The following METAP1D variants were observed in gnomAD, a reference collection of about 807,000 sequenced individuals.
METAP1D encodes the protein methionine aminopeptidase 1D, mitochondrial.
Under a neutral mutation model 40.5 loss-of-function variants are expected in METAP1D, and 31 were observed. That is an observed-to-expected ratio of 0.77 (90% CI 0.58 to 1.03). The LOEUF (loss-of-function observed/expected upper bound fraction) is 1.03. Among genes scored for constraint, METAP1D ranks in the 50% least tolerant of loss-of-function variants. The probability of loss-of-function intolerance (pLI) is 0.00; values close to 1 mark genes in which losing one functional copy is unlikely to be tolerated. For synonymous variants in METAP1D, 151 were observed against 146.4 expected (o/e 1.03, Z -0.22); for missense variants, 411 against 420.7 (o/e 0.98, Z 0.20).
intron 1 of METAP1D, among the ~76,000 whole-genome samples, chr2:172,033,100 A>G (rs1689277323): frequency 6.6e-6 from 1 of 151,882 alleles, no homozygotes; most frequent in Admixed American, 6.6e-5. Flanking sequence ...AAAAAAATCA[A>G]ACTTGAATCA....
At chr2:172,009,740 T>G (rs1483155533) in intron 1 of METAP1D, among the ~76,000 whole-genome samples, 1 of 152,042 alleles carries the variant, frequency 6.6e-6, no homozygotes, top group African/African-American at 2.4e-5. Flanking sequence ...CTGCTGCTTG[T>G]GTGTTCTGAA....
In METAP1D at chr2:172,080,748, A is replaced by G. The variant is rs932217685; in HGVS notation, c.*342A>G. ...TTCCCTTGCCCTGACTGTTGGAGTA[A>G]AAAACCTCTTAAATCCATTGTATCA... On this transcript the variant is annotated 3_prime_UTR_variant, in exon 10 of 10. Transcript: ENST00000315796. 6.9e-6 allele frequency: 3 copies of G among 435,650 alleles called. No homozygotes were observed. The highest frequency in any genetic ancestry group is 2.0e-5 in the African/African-American group (1 of 50,164). 27.0% of individuals were successfully genotyped at this position (435,650 alleles called of 1,614,324 possible). A position where few individuals can be genotyped will look rare whatever the true frequency, so the allele number is the denominator to read the frequency against.
chr2:172,069,307 A>C (rs532410282), intron 5 of METAP1D, among the ~76,000 whole-genome samples: 71 of 152,360 alleles, frequency 4.7e-4, no homozygotes, highest in Middle Eastern at 3.4e-3. Flanking sequence ...CAGTTATATA[A>C]ACATTCATTT....
At chr2:172,061,463 T>C in intron 1 of METAP1D, 35 bp from the exon 2 acceptor site, 1 of 1,586,138 alleles carries the variant, frequency 6.3e-7, no homozygotes, top group Non-Finnish European at 8.6e-7. Context: ...GTTAGGTTGT[T>C]TTTTTACTTA....
At chr2:172,007,135 A>G (rs1574084910) in intron 1 of METAP1D, among the ~76,000 whole-genome samples, 1 of 135,838 alleles carries the variant, frequency 7.4e-6, no homozygotes, top group African/African-American at 2.8e-5. Context: ...ATTGTACATT[A>G]CGTTTTCCTG....
chr2:172,059,845 T>C (rs1165066106), intron 1 of METAP1D, among the ~76,000 whole-genome samples: 1 of 152,058 alleles, frequency 6.6e-6, no homozygotes, highest in African/African-American at 2.4e-5. Flanking sequence ...GGTCAGGAGA[T>C]TGAGACCAGC....
At chr2:172,038,845 A>C (rs1487449111) in intron 1 of METAP1D, among the ~76,000 whole-genome samples, 1 of 152,232 alleles carries the variant, frequency 6.6e-6, no homozygotes, top group Non-Finnish European at 1.5e-5. Flanking sequence ...CTAGGGTTAC[A>C]TAATATTTAT....
intron 1 of METAP1D, among the ~76,000 whole-genome samples, chr2:172,003,581 T>C (rs936525966): frequency 2.0e-5 from 3 of 152,148 alleles, no homozygotes; most frequent in African/African-American, 7.2e-5. Context: ...CTGCTTGCAC[T>C]CATTCTCTCT....
chr2:172,000,949 G>C (rs1688446287), intron 1 of METAP1D, among the ~76,000 whole-genome samples: 1 of 152,098 alleles, frequency 6.6e-6, no homozygotes, highest in African/African-American at 2.4e-5. Context: ...GCTGCAGTGA[G>C]CCGTGATCGT....
chr2:172,078,012 G>T, intron 7 of METAP1D, 118 bp downstream of exon 7: 22 of 442,652 alleles, frequency 5.0e-5, no homozygotes, highest in South Asian at 1.7e-4. Context: ...TTGTGTGTGT[G>T]TTTATGTGCA....
chr2:172,062,045 C>A (rs1286171288), intron 2 of METAP1D: 1 of 152,200 alleles, frequency 6.6e-6, no homozygotes, highest in African/African-American at 2.4e-5. Flanking sequence ...TTTTTTAAGC[C>A]TGTTCTTACA....
intron 1 of METAP1D, among the ~76,000 whole-genome samples, chr2:172,019,600 A>G (rs1688961201): frequency 6.6e-6 from 1 of 151,968 alleles, no homozygotes; most frequent in African/African-American, 2.4e-5. Flanking sequence ...CAAGGAGGAA[A>G]GGGCCTAGAG....
At chr2:172,038,386 C>A (rs1400435306) in intron 1 of METAP1D, among the ~76,000 whole-genome samples, 1 of 151,734 alleles carries the variant, frequency 6.6e-6, no homozygotes, top group Non-Finnish European at 1.5e-5. Flanking sequence ...AGCTAACTAT[C>A]CATAGCTTAG....
rs1201782982 is a variant in METAP1D, at chr2:172,045,335, C to T, written c.41-16163C>T. Among the ~76,000 whole-genome samples the T allele has an allele frequency of 1.5e-5, 2 of 132,958 alleles. 1 individual carries two copies. The highest frequency in any genetic ancestry group is 3.5e-5 in the Non-Finnish European group (2 of 57,352). 87.2% of individuals were successfully genotyped at this position (132,958 alleles called of 152,430 possible). On this transcript the variant is annotated intron_variant, in intron 1 of 9. Coordinates refer to ENST00000315796, the MANE Select transcript of METAP1D (RefSeq NM_199227.3). ...TAAATAAGGTACTATGTGATCCCTT[C>T]GTATAAGGGAATGCTCCAAAACCAC...
chr2:172,076,562 T>TG (rs1334289849), intron 6 of METAP1D, among the ~76,000 whole-genome samples: 1 of 152,258 alleles, frequency 6.6e-6, no homozygotes, highest in African/African-American at 2.4e-5. Flanking sequence ...TACCTATTTC[T>TG]GCACTAACAG....
rs1189118115 is a variant in METAP1D at position 172,081,419 on chromosome 2, AG to A, written c.*1016del. 2 of 152,364 alleles carry A rather than the reference AG, an allele frequency of 1.3e-5. No individual in the cohort carries two copies. Among genetic ancestry groups the A allele is most frequent in the Non-Finnish European group, 2.9e-5 (2 of 68,060 alleles). The allele number at this position is 152,364 out of a possible 1,614,324, so 9.4% of individuals were successfully genotyped here. On this transcript the variant is annotated 3_prime_UTR_variant, in exon 10 of 10. Coordinates refer to ENST00000315796, the MANE Select transcript of METAP1D (RefSeq NM_199227.3). ...GGAGATACGGGCGCATTTGAGAGCA[AG>A]GGCCTACTTGGCCGGGACTGAAGCT...
chr2:172,057,035 T>C (rs1004583501), intron 1 of METAP1D, among the ~76,000 whole-genome samples: 2 of 152,172 alleles, frequency 1.3e-5, no homozygotes, highest in African/African-American at 2.4e-5. Context: ...CACTAGCGAA[T>C]AGAACTCATA....
Position 172,065,649 on chromosome 2 carries a change from A to G in METAP1D, c.394A>G (p.Ile132Val), listed in dbSNP as rs1437729838. 3 of 1,613,878 alleles carry G rather than the reference A, an allele frequency of 1.9e-6. No homozygotes were observed. The highest frequency in any genetic ancestry group is 2.2e-5 in the East Asian group (1 of 44,862). Residue 132 changes from isoleucine (I) to valine (V), a missense_variant, in exon 4 of 10, where the codon ATC becomes GTC. Ile to Val is a conservative substitution (Grantham distance 29, BLOSUM62 3). Coordinates refer to ENST00000315796, the MANE Select transcript of METAP1D (RefSeq NM_199227.3). Reference sequence around the variant, plus strand: ...GATAGATGCTCTTGTTCATCGGGAAATCATCAGTCATAATGCCTATCCCTC... The same window carrying G: ...GATAGATGCTCTTGTTCATCGGGAAGTCATCAGTCATAATGCCTATCCCTC... ...EEIDALVHRE[I>V]ISHNAYPSPL...
intron 1 of METAP1D, among the ~76,000 whole-genome samples, chr2:172,016,300 A>AAAATAT (rs1553490378): frequency 2.1e-3 from 83 of 39,998 alleles, no homozygotes; most frequent in South Asian, 4.4e-3. Context: ...AAAAAAAAAA[A>AAAATAT]ATATATATAT....
Sources: gnomAD v4.1 joint callset for allele counts (sites outside exome capture counted in the v4.1 genomes callset) on GRCh38, gnomAD v4.1.1 for gene constraint, MANE v1.5 for transcripts, NCBI Gene and HGNC (gene_info 2026-07-23, HGNC 2026-07-21) for gene names.